SNCAIP: variants seen among roughly 807,000 people sequenced by gnomAD.
SNCAIP encodes synphilin-1.
Under a neutral mutation model 86.7 loss-of-function variants are expected in SNCAIP, and 43 were observed. The ratio of observed to expected loss-of-function variants is 0.50; its 90% CI spans 0.39 to 0.64. The LOEUF (loss-of-function observed/expected upper bound fraction) is 0.64, where lower values mean the gene tolerates loss of function less well. Among genes scored for constraint, SNCAIP ranks in the 30% least tolerant of loss-of-function variants. SNCAIP has a pLI of 0.00. For synonymous variants in SNCAIP, 417 were observed against 427.2 expected, an observed-to-expected ratio of 0.98 and a Z score of 0.29; for missense variants, 981 against 1,103.1, an observed-to-expected ratio of 0.89 and a Z score of 1.57.
chr5:122,452,985 A>G (rs948016236), intron 10 of SNCAIP: 16 of 1,544,526 alleles, frequency 1.0e-5, no homozygotes, highest in African/African-American at 1.4e-5. Flanking sequence ...GCATCTGTGT[A>G]ACGACACACG....
chr5:122,405,647 A>G (rs1297197379), intron 3 of SNCAIP, among the ~76,000 whole-genome samples: 1 of 152,278 alleles, frequency 6.6e-6, no homozygotes, highest in Non-Finnish European at 1.5e-5. Context: ...ACCCTTCCAG[A>G]TAGTTTGACT....
intron 2 of SNCAIP, among the ~76,000 whole-genome samples, chr5:122,397,412 T>C (rs1473574868): frequency 6.6e-6 from 1 of 152,126 alleles, no homozygotes; most frequent in Non-Finnish European, 1.5e-5. Context: ...AAATTAACAT[T>C]GCAATAGAGT....
intron 3 of SNCAIP, among the ~76,000 whole-genome samples, chr5:122,414,099 GA>G (rs1774741839): frequency 4.6e-5 from 7 of 152,110 alleles, no homozygotes; most frequent in South Asian, 2.1e-4. Flanking sequence ...TTGTAGAGAT[GA>G]GGATCTCAGT....
At chr5:122,358,663 T>C (rs1157283612) in intron 1 of SNCAIP, among the ~76,000 whole-genome samples, 3 of 152,084 alleles carry the variant, frequency 2.0e-5, no homozygotes, top group Admixed American at 2.0e-4. Context: ...TGCTTATGAC[T>C]GTGGGTTGTT....
intron 1 of SNCAIP, among the ~76,000 whole-genome samples, chr5:122,344,510 G>C (rs542918579): frequency 2.0e-5 from 3 of 152,160 alleles, no homozygotes; most frequent in Non-Finnish European, 4.4e-5. Flanking sequence ...TCAGAGAGGA[G>C]AGGGCTTTGA....
At chr5:122,454,911 C>T (rs777432057) in intron 10 of SNCAIP, among the ~76,000 whole-genome samples, 2 of 152,126 alleles carry the variant, frequency 1.3e-5, no homozygotes, top group African/African-American at 4.8e-5. Context: ...AAAATCAGAG[C>T]ACAAAATGAG....
rs11297385 is a variant in SNCAIP at position 122,326,606 on chromosome 5, CTTTTTTTTTTTTT to C, written c.-47+14343_-47+14355del. On this transcript the variant is annotated intron_variant, in intron 1 of 10. Transcript: ENST00000261368. The stretch of plus-strand genomic sequence containing the variant: ...AGAAAGGGAACTTCAGAAATGTCTC[CTTTTTTTTTTTTT>C]TTTTTTTTTTTTTTTTTTTTACAAT... Among the ~76,000 whole-genome samples, 29 of 42,136 alleles carry C rather than the reference CTTTTTTTTTTTTT, an allele frequency of 6.9e-4. 1 individual carries two copies. The highest frequency in any genetic ancestry group is 1.6e-3 in the African/African-American group (12 of 7,712). 27.6% of individuals were successfully genotyped at this position (42,136 alleles called of 152,430 possible). A position where few individuals can be genotyped will look rare whatever the true frequency, so the allele number is the denominator to read the frequency against.
chr5:122,416,037 T>G (rs1244064631), intron 3 of SNCAIP, among the ~76,000 whole-genome samples: 1 of 152,128 alleles, frequency 6.6e-6, no homozygotes. Flanking sequence ...AGCCCAAAGG[T>G]TTAAAGTTGT....
At chr5:122,407,573 A>C (rs939990857) in intron 3 of SNCAIP, among the ~76,000 whole-genome samples, 1 of 152,232 alleles carries the variant, frequency 6.6e-6, no homozygotes, top group African/African-American at 2.4e-5. Flanking sequence ...AGGACTTTCA[A>C]AATCATCTAG....
At chr5:122,378,061 G>C (rs1306669069) in intron 1 of SNCAIP, among the ~76,000 whole-genome samples, 3 of 147,608 alleles carry the variant, frequency 2.0e-5, no homozygotes, top group African/African-American at 5.0e-5. Context: ...ACCCAGTAAT[G>C]GGATGGCTGG....
chr5:122,391,314 G>T (rs1200110449), intron 2 of SNCAIP, 123 bp downstream of exon 2: 6 of 772,706 alleles, frequency 7.8e-6, no homozygotes, highest in Non-Finnish European at 1.1e-5. Flanking sequence ...ATTCACAGCA[G>T]AAATCCTGTG....
intron 1 of SNCAIP, among the ~76,000 whole-genome samples, chr5:122,390,380 A>T (rs1769090687): frequency 6.6e-6 from 1 of 152,114 alleles, no homozygotes; most frequent in Non-Finnish European, 1.5e-5. Flanking sequence ...ACTGTGATAG[A>T]TTTAAAGGGT....
At chr5:122,326,920 A>G (rs994064682) in intron 1 of SNCAIP, among the ~76,000 whole-genome samples, 6 of 148,328 alleles carry the variant, frequency 4.0e-5, no homozygotes, top group African/African-American at 7.6e-5. Flanking sequence ...GACACTTAAC[A>G]TATATAAACT....
intron 5 of SNCAIP, among the ~76,000 whole-genome samples, chr5:122,428,316 T>TTTTG (rs1777748060): frequency 6.6e-6 from 1 of 152,190 alleles, no homozygotes; most frequent in African/African-American, 2.4e-5. Context: ...TGCTAGAATT[T>TTTTG]TTTGTTTGTT....
At chr5:122,348,256 A>G (rs1040647582) in intron 1 of SNCAIP, among the ~76,000 whole-genome samples, 6 of 152,110 alleles carry the variant, frequency 3.9e-5, no homozygotes, top group Non-Finnish European at 4.4e-5. Context: ...ATTCTTTTTT[A>G]TTAAGATATC....
intron 3 of SNCAIP, among the ~76,000 whole-genome samples, chr5:122,405,393 T>C (rs1460352811): frequency 6.6e-6 from 1 of 152,202 alleles, no homozygotes; most frequent in Admixed American, 6.5e-5. Context: ...AGCAAATACT[T>C]TATCAGGGCT....
intron 1 of SNCAIP, among the ~76,000 whole-genome samples, chr5:122,378,811 G>T (rs1436606548): frequency 6.9e-6 from 1 of 145,086 alleles, no homozygotes; most frequent in Non-Finnish European, 1.5e-5. Context: ...CTTCCCCATT[G>T]CTTGTTTTTC....
intron 9 of SNCAIP, 90 bp from the exon 10 acceptor site, chr5:122,450,443 C>G (rs1189396421): frequency 1.1e-6 from 1 of 881,148 alleles, no homozygotes; most frequent in African/African-American, 1.6e-5. Flanking sequence ...TTTACTTATA[C>G]ATTATTAGTG....
chr5:122,333,211 G>C (rs1755738655), intron 1 of SNCAIP, among the ~76,000 whole-genome samples: 1 of 152,180 alleles, frequency 6.6e-6, no homozygotes, highest in African/African-American at 2.4e-5. Flanking sequence ...CAAATTGCTG[G>C]AATGTCACTG....
Sources: gnomAD v4.1 joint callset for allele counts (sites outside exome capture counted in the v4.1 genomes callset) on GRCh38, gnomAD v4.1.1 for gene constraint, MANE v1.5 for transcripts, NCBI Gene and HGNC (gene_info 2026-07-23, HGNC 2026-07-21) for gene names.